PRDM16: variants seen among roughly 807,000 people sequenced by gnomAD.
The protein encoded by PRDM16 is PR/SET domain 16.
Under a neutral mutation model 110.6 loss-of-function variants are expected in PRDM16, and 23 were observed. That is an observed-to-expected ratio of 0.21 (90% CI 0.15 to 0.29). The LOEUF (loss-of-function observed/expected upper bound fraction) is 0.29. PRDM16 is among the 10% of genes least tolerant of loss of function. The pLI is 1.00. For missense variants in PRDM16, 1,615 were observed against 1,794.3 expected, an observed-to-expected ratio of 0.90 and a Z score of 1.81; for synonymous variants, 799 against 781.8, an observed-to-expected ratio of 1.02 and a Z score of -0.37.
intron 3 of PRDM16, among the ~76,000 whole-genome samples, chr1:3,278,191 C>G (rs2100316462): frequency 6.6e-6 from 1 of 152,336 alleles, no homozygotes; most frequent in African/African-American, 2.4e-5. Context: ...GGTTTTCCAG[C>G]CTCCCACCCT....
chr1:3,339,854 T>C lies in PRDM16; in HGVS notation c.439-45298T>C, dbSNP rs556306235. 1.3e-4 allele frequency among the ~76,000 whole-genome samples: 20 copies of C among 152,260 alleles called. No individual in the cohort carries two copies. Among genetic ancestry groups the C allele is most frequent in the African/African-American group, 4.8e-4 (20 of 41,542 alleles). On this transcript the variant is annotated intron_variant, in intron 3 of 16. Transcript: ENST00000270722. This position sits in a 1 kb window ranked among gnomAD's most constrained non-coding sequence, Gnocchi z 5.0. ...AAGAATCCACTCTGGCCAGGGCCGG[T>C]GCTAGGGCAGCCCAGCTCAGTCCCA...
intron 6 of PRDM16, 102 bp downstream of exon 6, chr1:3,403,100 C>G (rs530712477): frequency 3.0e-6 from 3 of 996,670 alleles, no homozygotes; most frequent in Non-Finnish European, 4.5e-6. Context: ...CCTCCCTTCC[C>G]CCGCCTCGCC....
At chr1:3,361,036 C>T (rs377741039) in intron 3 of PRDM16, among the ~76,000 whole-genome samples, 25 of 152,336 alleles carry the variant, frequency 1.6e-4, no homozygotes, top group African/African-American at 5.3e-4. Flanking sequence ...TGACTAACAA[C>T]GGCGGCAGTG....
chr1:3,194,668 T>G (rs865779111), intron 2 of PRDM16, among the ~76,000 whole-genome samples: 1 of 90,500 alleles, frequency 1.1e-5, no homozygotes, highest in Admixed American at 1.1e-4. Context: ...CCCCGCCACA[T>G]GCCACCGTCT....
chr1:3,259,074 G>A lies in PRDM16; in HGVS notation c.438+14937G>A, dbSNP rs12045829. 0.018 allele frequency among the ~76,000 whole-genome samples: 2,714 copies of A among 152,320 alleles called. 142 individuals carry two copies. The East Asian group carries it at 0.19, about 10-fold the overall frequency. On this transcript the variant is annotated intron_variant, in intron 3 of 16. Coordinates refer to ENST00000270722, the MANE Select transcript of PRDM16 (RefSeq NM_022114.4). Reference sequence around the variant, plus strand: ...CAAGGTGGAGAAAGCAGCAAATTAGGCCAGAAGGAAGGCCTGGATTGGCGG... The same window carrying A: ...CAAGGTGGAGAAAGCAGCAAATTAGACCAGAAGGAAGGCCTGGATTGGCGG...
intron 3 of PRDM16, among the ~76,000 whole-genome samples, chr1:3,360,843 A>G (rs1027035483): frequency 4.5e-4 from 68 of 152,304 alleles, no homozygotes; most frequent in African/African-American, 1.5e-3. Context: ...CCCCTGACTC[A>G]GGCCCTGCTG....
Position 3,167,620 on chromosome 1 carries a change from GC to G in PRDM16, c.38-18499del, listed in dbSNP as rs527520846. 9.4e-4 allele frequency among the ~76,000 whole-genome samples: 49 copies of G among 51,946 alleles called. 1 individual carries two copies. In the South Asian group the frequency reaches 0.014, roughly 15 times the overall value. 34.1% of individuals were successfully genotyped at this position (51,946 alleles called of 152,430 possible). A position where few individuals can be genotyped will look rare whatever the true frequency, so the allele number is the denominator to read the frequency against. The stretch of plus-strand genomic sequence containing the variant: ...TGCCTCCCAGCACCTCTGTGACATT[GC>G]CCCCCTGCTCCTGCCATCCTCCCAC... On this transcript the variant is annotated intron_variant, in intron 1 of 16. Transcript: ENST00000270722.
intron 4 of PRDM16, 99 bp from the exon 5 acceptor site, chr1:3,396,392 C>T (rs527821136): frequency 1.6e-5 from 12 of 749,190 alleles, no homozygotes; most frequent in East Asian, 1.1e-4. Context: ...AAGTGCAGGC[C>T]GAGCTGCGTC....
chr1:3,414,728 C>T (rs1275610005), intron 10 of PRDM16, 81 bp downstream of exon 10: 3 of 1,088,944 alleles, frequency 2.8e-6, no homozygotes, highest in South Asian at 1.4e-5. Flanking sequence ...GCTCAGTGGC[C>T]AGGCTGGAGC....
At chr1:3,116,592 C>G (rs1232356309) in intron 1 of PRDM16, among the ~76,000 whole-genome samples, 1 of 152,166 alleles carries the variant, frequency 6.6e-6, no homozygotes, top group African/African-American at 2.4e-5. Context: ...TCTCCCCGCC[C>G]GGGACAGAGG....
At position 3,299,727 on chromosome 1, in the gene PRDM16, A is replaced by G. The variant is rs1342356767; in HGVS notation, c.438+55590A>G. ...TTGTTGAAGATGCTATGCTGTGGCCATGATGTTTCCGATCCCAGTCGTGGT... is the reference window on the plus strand; with the variant it reads ...TTGTTGAAGATGCTATGCTGTGGCCGTGATGTTTCCGATCCCAGTCGTGGT... On this transcript the variant is annotated intron_variant, in intron 3 of 16. Coordinates refer to ENST00000270722, the MANE Select transcript of PRDM16 (RefSeq NM_022114.4). Among the ~76,000 whole-genome samples the G allele has an allele frequency of 5.0e-3, 269 of 54,030 alleles. 1 individual carries two copies. Among genetic ancestry groups the G allele is most frequent in the African/African-American group, 8.8e-3 (111 of 12,618 alleles). The allele number at this position is 54,030 out of a possible 152,430, so 35.4% of individuals were successfully genotyped here.
chr1:3,302,132 A>C (rs1349005503), intron 3 of PRDM16, among the ~76,000 whole-genome samples: 2 of 152,184 alleles, frequency 1.3e-5, no homozygotes, highest in Non-Finnish European at 2.9e-5. Flanking sequence ...AGGTTCCTGC[A>C]AGCTTCTGGT....
chr1:3,378,498 C>T (rs1643035394), intron 3 of PRDM16, among the ~76,000 whole-genome samples: 1 of 152,172 alleles, frequency 6.6e-6, no homozygotes. Context: ...AGCCATGGCA[C>T]AGCTCTGGAG....
chr1:3,309,116 C>T (rs955719946), intron 3 of PRDM16: 1 of 152,262 alleles, frequency 6.6e-6, no homozygotes, highest in Non-Finnish European at 1.5e-5. Context: ...TCCCAGGTTT[C>T]CGACCCAAGG....
At chr1:3,364,056 CG>C (rs1439756101) in intron 3 of PRDM16, among the ~76,000 whole-genome samples, 2 of 152,150 alleles carry the variant, frequency 1.3e-5, no homozygotes, top group African/African-American at 4.8e-5. Context: ...ATGCCTCCCC[CG>C]CATCTTGTTG....
In PRDM16 at chr1:3,433,912, C is replaced by A; in HGVS notation, c.*101C>A. ...AGAACCCTGTCCCTGCGTGTGGCCA[C>A]TCCTCAGCATCCTCCCCACCCACCA... On this transcript the variant is annotated 3_prime_UTR_variant, in exon 17 of 17. Coordinates refer to ENST00000270722, the MANE Select transcript of PRDM16 (RefSeq NM_022114.4). 2.5e-6 allele frequency: 3 copies of A among 1,198,390 alleles called. No homozygotes were observed. The highest frequency in any genetic ancestry group is 3.5e-6 in the Non-Finnish European group (3 of 854,914). 74.2% of individuals were successfully genotyped at this position (1,198,390 alleles called of 1,614,324 possible). A position where few individuals can be genotyped will look rare whatever the true frequency, so the allele number is the denominator to read the frequency against.
At chr1:3,262,128 G>A (rs1013625677) in intron 3 of PRDM16, among the ~76,000 whole-genome samples, 3 of 152,234 alleles carry the variant, frequency 2.0e-5, no homozygotes, top group African/African-American at 7.2e-5. Context: ...AAGAAATTGG[G>A]CACAGAGAGG....
chr1:3,324,175 T>TCCGTCTCTCCCC (rs1553163463), intron 3 of PRDM16, among the ~76,000 whole-genome samples: 2 of 151,968 alleles, frequency 1.3e-5, no homozygotes, highest in African/African-American at 2.4e-5. Context: ...CGTCTCTCCC[T>TCCGTCTCTCCCC]CCGTCTCTCC....
At chr1:3,259,501 C>T (rs1640117205) in intron 3 of PRDM16, among the ~76,000 whole-genome samples, 1 of 152,152 alleles carries the variant, frequency 6.6e-6, no homozygotes, top group Admixed American at 6.5e-5. Flanking sequence ...GCCTTTCTTC[C>T]CCTCCACATA....
Sources: allele counts gnomAD v4.1 joint callset (sites outside exome capture counted in the v4.1 genomes callset), GRCh38; gene constraint gnomAD v4.1.1; non-coding constraint Gnocchi (gnomAD v3.1); transcripts MANE v1.5; gene names NCBI Gene and HGNC (gene_info 2026-07-23, HGNC 2026-07-21).